The following ANXA4 variants were observed in gnomAD, a reference collection of about 807,000 sequenced individuals.
ANXA4 encodes 35-beta calcimedin.
In ANXA4, 39 loss-of-function variants were observed where a neutral mutation model predicts 49.8. That is an observed-to-expected ratio of 0.78 (90% CI 0.61 to 1.02). ANXA4 has a LOEUF of 1.02. Ranked by LOEUF, ANXA4 falls within the 50% of genes least tolerant of loss-of-function variation. The probability of loss-of-function intolerance (pLI) is 0.00; values close to 1 mark genes in which losing one functional copy is unlikely to be tolerated. For synonymous variants in ANXA4, 134 were observed against 152.5 expected (o/e 0.88, Z 0.89); for missense variants, 360 against 410.1 (o/e 0.88, Z 1.05).
At chr2:69,702,097 C>T (rs781445630) in intron 2 of ANXA4, among the ~76,000 whole-genome samples, 2 of 152,034 alleles carry the variant, frequency 1.3e-5, no homozygotes, top group Non-Finnish European at 2.9e-5. Context: ...CTACAACCTC[C>T]ACCTCCTGGG....
At chr2:69,799,337 A>T (rs1469938831) in intron 3 of ANXA4, among the ~76,000 whole-genome samples, 1 of 152,082 alleles carries the variant, frequency 6.6e-6, no homozygotes, top group African/African-American at 2.4e-5. Context: ...ATTAAGACCC[A>T]CTGTTTTACT....
chr2:69,679,537 GT>G (rs1383013379), intron 2 of ANXA4, among the ~76,000 whole-genome samples: 1 of 151,890 alleles, frequency 6.6e-6, no homozygotes, highest in Non-Finnish European at 1.5e-5. Context: ...TTTTGTGGGG[GT>G]TTTTTTCTGT....
At chr2:69,757,512 A>G (rs1671109552) in intron 1 of ANXA4, among the ~76,000 whole-genome samples, 1 of 146,610 alleles carries the variant, frequency 6.8e-6, no homozygotes, top group African/African-American at 2.5e-5. Flanking sequence ...TGACCTCGTC[A>G]TCCGCCTGCC....
intron 8 of ANXA4, among the ~76,000 whole-genome samples, chr2:69,813,758 CTTTTT>C (rs35151857): frequency 1.2e-5 from 1 of 82,026 alleles, no homozygotes. Flanking sequence ...CTCTCTCTCT[CTTTTT>C]TTTTTTTTTT....
intron 2 of ANXA4, among the ~76,000 whole-genome samples, chr2:69,683,312 T>C (rs1180736001): frequency 6.6e-6 from 1 of 152,186 alleles, no homozygotes; most frequent in Non-Finnish European, 1.5e-5. Flanking sequence ...TACAAACCTC[T>C]TCCTGCATCT....
At chr2:69,706,224 C>G (rs1168884278) in intron 2 of ANXA4, among the ~76,000 whole-genome samples, 7 of 139,556 alleles carry the variant, frequency 5.0e-5, no homozygotes, top group African/African-American at 1.9e-4. Flanking sequence ...AATGGCATTT[C>G]AGTATCTAGT....
At chr2:69,729,323 C>T (rs899334029) in intron 3 of ANXA4, among the ~76,000 whole-genome samples, 8 of 152,060 alleles carry the variant, frequency 5.3e-5, no homozygotes, top group African/African-American at 1.4e-4. Context: ...CCCTCAATAA[C>T]GTCTTATAAT....
intron 1 of ANXA4, among the ~76,000 whole-genome samples, chr2:69,764,565 C>G (rs1013286262): frequency 6.6e-6 from 1 of 152,190 alleles, no homozygotes; most frequent in African/African-American, 2.4e-5. Context: ...AGGTTGAGAA[C>G]TTGACCTCTT....
chr2:69,790,401 G>A (rs924382202), intron 3 of ANXA4, among the ~76,000 whole-genome samples: 2 of 152,096 alleles, frequency 1.3e-5, no homozygotes, highest in Admixed American at 6.5e-5. Context: ...TTCATTTTCG[G>A]CTCCATTTTC....
At chr2:69,734,623 C>A (rs1670193860) in intron 3 of ANXA4, among the ~76,000 whole-genome samples, 1 of 151,960 alleles carries the variant, frequency 6.6e-6, no homozygotes, top group Admixed American at 6.6e-5. Context: ...CCTCTCTGTT[C>A]TCCCTTCCCC....
intron 2 of ANXA4, among the ~76,000 whole-genome samples, chr2:69,706,602 G>A (rs928379997): frequency 5.3e-5 from 8 of 151,814 alleles, no homozygotes; most frequent in East Asian, 1.9e-4. Flanking sequence ...GCGCCCAGTC[G>A]GTACAATTCC....
chr2:69,749,922 C>CA lies in ANXA4; in HGVS notation c.-47+7759dup, dbSNP rs70954355. ...TGGGTGACAGAGCGAGACTCTATCT[C>CA]AAAAAAAAAAAAGAAAAAGATGGAG... is the stretch of plus-strand genomic sequence containing the variant. On this transcript the variant is annotated intron_variant, in intron 1 of 12. Transcript: ENST00000394295. Among the ~76,000 whole-genome samples, 501 of 139,078 alleles carry CA rather than the reference C, an allele frequency of 3.6e-3. 2 individuals are homozygous for CA. The highest frequency in any genetic ancestry group is 4.7e-3 in the African/African-American group (178 of 37,528). 91.2% of individuals were successfully genotyped at this position (139,078 alleles called of 152,430 possible).
chr2:69,687,705 G>A (rs1677838549), intron 2 of ANXA4, among the ~76,000 whole-genome samples: 1 of 152,136 alleles, frequency 6.6e-6, no homozygotes, highest in Non-Finnish European at 1.5e-5. Context: ...CCAAGTCTCT[G>A]ACTACCTGAT....
chr2:69,818,609 A>T lies in ANXA4; in HGVS notation c.639A>T (p.Glu213Asp), dbSNP rs751424173. The change falls in exon 10 of 13, where the codon GAA becomes GAT. Residue 213 changes from glutamate to aspartate, a missense_variant. Transcript: ENST00000394295. ...TGTTATTGTCTGCAGTGTTTGATGA[A>T]TACAAAAGGATATCACAGAAGGATA... ...NRNHLLHVFDEYKRISQKDIE... is the reference protein window; with the variant it reads ...NRNHLLHVFDDYKRISQKDIE... 1 of 1,600,462 alleles carries T rather than the reference A, an allele frequency of 6.2e-7. No homozygotes were observed. Among genetic ancestry groups the T allele is most frequent in the East Asian group, 2.2e-5 (1 of 44,550 alleles).
intron 1 of ANXA4, among the ~76,000 whole-genome samples, chr2:69,763,662 CTTTTT>C (rs58726825): frequency 2.2e-5 from 3 of 136,624 alleles, no homozygotes; most frequent in Admixed American, 7.4e-5. Context: ...GGACATAATA[CTTTTT>C]TTTTTTTTTT....
At chr2:69,680,744 G>A (rs1380776807) in intron 2 of ANXA4, among the ~76,000 whole-genome samples, 2 of 152,052 alleles carry the variant, frequency 1.3e-5, no homozygotes, top group Non-Finnish European at 2.9e-5. Context: ...TGCTTTTTCT[G>A]GGTCAATTGA....
intron 2 of ANXA4, among the ~76,000 whole-genome samples, chr2:69,715,023 A>G (rs1225035067): frequency 1.3e-5 from 2 of 152,186 alleles, no homozygotes; most frequent in Non-Finnish European, 1.5e-5. Flanking sequence ...CATAAAGCCA[A>G]GATTGAAGAA....
At chr2:69,764,519 G>A (rs551280531) in intron 1 of ANXA4, among the ~76,000 whole-genome samples, 3 of 152,288 alleles carry the variant, frequency 2.0e-5, no homozygotes, top group South Asian at 2.1e-4. Flanking sequence ...TAACAGCAGC[G>A]TGCTTCCCTG....
At chr2:69,803,049 A>T (rs1197480599) in intron 3 of ANXA4, among the ~76,000 whole-genome samples, 1 of 151,758 alleles carries the variant, frequency 6.6e-6, no homozygotes, top group Non-Finnish European at 1.5e-5. Flanking sequence ...ATACAAAAAA[A>T]AATTAGCCAG....
Sources: gnomAD v4.1 joint callset for allele counts (sites outside exome capture counted in the v4.1 genomes callset) on GRCh38, gnomAD v4.1.1 for gene constraint, MANE v1.5 for transcripts, NCBI Gene and HGNC (gene_info 2026-07-23, HGNC 2026-07-21) for gene names.